The following PPM1H variants were observed in gnomAD, a reference collection of about 807,000 sequenced individuals.
PPM1H encodes the protein protein phosphatase, Mg2+/Mn2+ dependent 1H.
PPM1H carries 27 observed loss-of-function variants against 54.9 expected under a neutral mutation model. The ratio of observed to expected loss-of-function variants is 0.49; its 90% CI spans 0.36 to 0.68. The LOEUF is 0.68. PPM1H is among the 30% of genes least tolerant of loss of function. PPM1H has a pLI of 0.00. For missense variants in PPM1H, 596 were observed against 667.8 expected (o/e 0.89, Z 1.19); for synonymous variants, 305 against 270.8 (o/e 1.13, Z -1.24).
In PPM1H at chr12:62,866,461, C is replaced by T. The variant is rs115722801; in HGVS notation, c.246-34182G>A. 1.3e-3 allele frequency among the ~76,000 whole-genome samples: 204 copies of T among 152,232 alleles called. 1 individual carries two copies. The highest frequency in any genetic ancestry group is 4.7e-3 in the African/African-American group (196 of 41,538). On this transcript the variant is annotated intron_variant, in intron 1 of 9. Coordinates refer to ENST00000228705, the MANE Select transcript of PPM1H (RefSeq NM_020700.2). ...TATGGTGGCAGGAAGAGTGTGTAAA[C>T]AGGTGGTAAAAGACATCAAGGCTTC...
intron 1 of PPM1H, among the ~76,000 whole-genome samples, chr12:62,900,009 A>G (rs1871108690): frequency 6.6e-6 from 1 of 152,204 alleles, no homozygotes; most frequent in Admixed American, 6.5e-5. Context: ...TGCAGTTTAC[A>G]ACCTGGGAGA....
chr12:62,676,943 G>A (rs768079587), intron 8 of PPM1H, among the ~76,000 whole-genome samples: 2 of 152,316 alleles, frequency 1.3e-5, no homozygotes, highest in South Asian at 2.1e-4. Context: ...GGAGTCCACA[G>A]CCTGGAGTGA....
In PPM1H at chr12:62,648,420, C is replaced by T. The variant is rs1485690082; in HGVS notation, c.*69G>A. 9 of 1,574,614 alleles carry T rather than the reference C, an allele frequency of 5.7e-6. No individual in the cohort carries two copies. The highest frequency in any genetic ancestry group is 7.8e-6 in the Non-Finnish European group (9 of 1,153,782). ...ACTTGGAACTCAGCTGGGGCACTTC[C>T]CAGTTCCGTCCTGCCAAGAGGCATC... On this transcript the variant is annotated 3_prime_UTR_variant, in exon 10 of 10. Coordinates refer to ENST00000228705, the MANE Select transcript of PPM1H (RefSeq NM_020700.2).
At chr12:62,774,921 G>T (rs1194878646) in intron 4 of PPM1H, among the ~76,000 whole-genome samples, 1 of 152,158 alleles carries the variant, frequency 6.6e-6, no homozygotes, top group African/African-American at 2.4e-5. Context: ...CTATCTGTGG[G>T]AACTTGAGAA....
intron 6 of PPM1H, among the ~76,000 whole-genome samples, chr12:62,711,424 T>A (rs947114518): frequency 6.6e-6 from 1 of 152,196 alleles, no homozygotes; most frequent in African/African-American, 2.4e-5. Context: ...CTACTCAACA[T>A]CTACTGTGTA....
intron 6 of PPM1H, among the ~76,000 whole-genome samples, 168 bp downstream of exon 6, chr12:62,720,003 G>A (rs1187809660): frequency 6.6e-6 from 1 of 152,302 alleles, no homozygotes; most frequent in East Asian, 1.9e-4. Flanking sequence ...CTCGTGATTT[G>A]GTCCTAAGCA....
intron 7 of PPM1H, among the ~76,000 whole-genome samples, chr12:62,690,352 A>G (rs992654478): frequency 6.6e-5 from 10 of 152,180 alleles, no homozygotes; most frequent in African/African-American, 2.2e-4. Flanking sequence ...GAGTTCACCT[A>G]TTATGTTTTA....
At chr12:62,746,928 G>A (rs1322137182) in intron 4 of PPM1H, among the ~76,000 whole-genome samples, 3 of 152,100 alleles carry the variant, frequency 2.0e-5, no homozygotes, top group Non-Finnish European at 4.4e-5. Flanking sequence ...TCAGATTCAT[G>A]CAAACGAGTA....
At chr12:62,748,170 G>A (rs147435728) in intron 4 of PPM1H, among the ~76,000 whole-genome samples, 51 of 152,124 alleles carry the variant, frequency 3.4e-4, no homozygotes, top group East Asian at 2.7e-3. Context: ...GTGAACCCGG[G>A]AGGCGGAGCT....
In PPM1H at chr12:62,877,594, C is replaced by T. The variant is rs200202408; in HGVS notation, c.246-45315G>A. Among the ~76,000 whole-genome samples the T allele has an allele frequency of 7.9e-5, 12 of 152,328 alleles. No homozygotes were observed. In the East Asian group the frequency reaches 2.3e-3, roughly 29 times the overall value. On this transcript the variant is annotated intron_variant, in intron 1 of 9. Transcript: ENST00000228705. ...TCCATGAAATATATATGATTTTCCT[C>T]ATTTTTGAGATGAAGCAAACCAAAA...
chr12:62,780,645 T>C (rs1046763861), intron 4 of PPM1H, among the ~76,000 whole-genome samples: 2 of 152,246 alleles, frequency 1.3e-5, no homozygotes, highest in Non-Finnish European at 2.9e-5. Context: ...TGTGATACTT[T>C]ACCTTTACTG....
intron 3 of PPM1H, among the ~76,000 whole-genome samples, chr12:62,789,747 C>A (rs1339760926): frequency 6.6e-6 from 1 of 152,240 alleles, no homozygotes; most frequent in African/African-American, 2.4e-5. Context: ...TGGATTCCAA[C>A]CTGCTTCTCT....
chr12:62,827,197 C>T (rs1868300454), intron 2 of PPM1H, among the ~76,000 whole-genome samples: 1 of 152,106 alleles, frequency 6.6e-6, no homozygotes, highest in South Asian at 2.1e-4. Flanking sequence ...ATACTCAAAA[C>T]GCAAGTCATC....
chr12:62,738,647 A>G (rs2076363776), intron 4 of PPM1H, among the ~76,000 whole-genome samples: 1 of 152,152 alleles, frequency 6.6e-6, no homozygotes, highest in African/African-American at 2.4e-5. Context: ...TTCTACAACA[A>G]ATGGAAGTGG....
chr12:62,659,896 C>A (rs2075873372), intron 9 of PPM1H, among the ~76,000 whole-genome samples: 1 of 152,182 alleles, frequency 6.6e-6, no homozygotes, highest in Non-Finnish European at 1.5e-5. Flanking sequence ...CATTTTGTGT[C>A]CAACAATAGG....
intron 1 of PPM1H, among the ~76,000 whole-genome samples, chr12:62,917,233 A>G (rs1871653122): frequency 6.6e-6 from 1 of 152,244 alleles, no homozygotes. Flanking sequence ...TTCTGCGGCA[A>G]TTTAACGGCC....
intron 9 of PPM1H, among the ~76,000 whole-genome samples, chr12:62,662,459 C>T (rs551447868): frequency 7.2e-5 from 11 of 152,324 alleles, no homozygotes; most frequent in East Asian, 5.8e-4. Flanking sequence ...TCTACCTTCA[C>T]GTTTCCTGAA....
chr12:62,693,760 T>C (rs565437087), intron 7 of PPM1H, among the ~76,000 whole-genome samples, 176 bp downstream of exon 7: 1 of 152,260 alleles, frequency 6.6e-6, no homozygotes, highest in African/African-American at 2.4e-5. Context: ...CCCCCACTAC[T>C]CCTTGGACCC....
At chr12:62,892,796 TG>T (rs1343395736) in intron 1 of PPM1H, among the ~76,000 whole-genome samples, 8 of 152,122 alleles carry the variant, frequency 5.3e-5, no homozygotes. Flanking sequence ...AATTAAAATG[TG>T]GGGGCAAATG....
Sources: gnomAD v4.1 joint callset for allele counts (sites outside exome capture counted in the v4.1 genomes callset) on GRCh38, gnomAD v4.1.1 for gene constraint, MANE v1.5 for transcripts, NCBI Gene and HGNC (gene_info 2026-07-23, HGNC 2026-07-21) for gene names.